The following GGT5 variants were observed in gnomAD, a reference collection of about 807,000 sequenced individuals.
The protein encoded by GGT5 is gamma-glutamyltransferase 5, also known as glutathione hydrolase 5 proenzyme.
GGT5 carries 50 observed loss-of-function variants against 58.1 expected under a neutral mutation model. The observed-to-expected ratio is 0.86, with a 90% CI of 0.69 to 1.09. The LOEUF (loss-of-function observed/expected upper bound fraction) is 1.09. Among genes scored for constraint, GGT5 ranks in the 50% least tolerant of loss-of-function variants. The pLI is 0.00. For synonymous variants in GGT5, 370 were observed against 346.1 expected (o/e 1.07, Z -0.77); for missense variants, 800 against 789.4 (o/e 1.01, Z -0.16).
At chr22:24,224,790 C>G (rs887988550) in intron 11 of GGT5, among the ~76,000 whole-genome samples, 3 of 152,226 alleles carry the variant, frequency 2.0e-5, no homozygotes, top group Non-Finnish European at 4.4e-5. Flanking sequence ...AGACAATACC[C>G]TGCTCTCTGT....
At chr22:24,226,536 C>T (rs889912013) in intron 7 of GGT5, 95 bp downstream of exon 7, 2 of 1,360,864 alleles carry the variant, frequency 1.5e-6, no homozygotes, top group Non-Finnish European at 1.0e-6. Flanking sequence ...CATATCCCTC[C>T]AACTTCCCCC....
At chr22:24,233,837 G>C in intron 2 of GGT5, 37 bp downstream of exon 2, 1 of 1,594,580 alleles carries the variant, frequency 6.3e-7, no homozygotes, top group South Asian at 1.1e-5. Flanking sequence ...GTGTGGACAA[G>C]CCCATCTTCC....
At chr22:24,238,827 ATATATTT>A (rs1837260711) in intron 1 of GGT5, among the ~76,000 whole-genome samples, 1 of 11,082 alleles carries the variant, frequency 9.0e-5, no homozygotes, top group African/African-American at 5.3e-4. Flanking sequence ...ATATATATAT[ATATATTT>A]ATATATATAT....
Position 24,233,563 on chromosome 22 carries a change from G to A in GGT5, c.335C>T (p.Thr112Met), listed in dbSNP as rs891165405. The change falls in exon 3 of 12, where the codon ACG becomes ATG. Residue 112 changes from threonine (T) to methionine (M), a missense_variant. Physicochemically the swap from Thr to Met is moderately conservative, Grantham distance 81. Transcript: ENST00000327365. ...GCTCGGGGCGTGGCTGGCCGGCACCGTCTCCCGGGCATTGATGACCTCCAC... is the reference window on the plus strand; with the variant it reads ...GCTCGGGGCGTGGCTGGCCGGCACCATCTCCCGGGCATTGATGACCTCCAC... ...GKVEVINARE[T>M]VPASHAPSLL... 1.7e-5 allele frequency: 27 copies of A among 1,608,814 alleles called. No individual in the cohort carries two copies. The highest frequency in any genetic ancestry group is 2.2e-4 in the Middle Eastern group (1 of 4,592).
intron 1 of GGT5, chr22:24,242,628 G>A (rs72617245): frequency 0.24 from 35,985 of 152,332 alleles, 4,448 homozygotes; most frequent in Admixed American, 0.31. Context: ...CAGGAGACTG[G>A]ACTCTGGGAG....
At chr22:24,232,751 TG>T in intron 4 of GGT5, 71 bp downstream of exon 4, 3 of 1,054,454 alleles carry the variant, frequency 2.8e-6, no homozygotes, top group Non-Finnish European at 4.0e-6. Flanking sequence ...GAGGCAGAGC[TG>T]GGGTGTGGAC....
chr22:24,238,903 A>AT (rs35151649), intron 1 of GGT5, among the ~76,000 whole-genome samples: 2 of 14,978 alleles, frequency 1.3e-4, no homozygotes, highest in South Asian at 1.9e-3. Flanking sequence ...ATATATATAT[A>AT]TATTATATAT....
chr22:24,227,503 T>C (rs2047803680), intron 6 of GGT5, among the ~76,000 whole-genome samples: 1 of 152,078 alleles, frequency 6.6e-6, no homozygotes, highest in Non-Finnish European at 1.5e-5. Flanking sequence ...CTCCTTAGCC[T>C]CCCAAAGTGC....
At chr22:24,232,343 G>T in intron 4 of GGT5, 135 bp from the exon 5 acceptor site, 1 of 564,284 alleles carries the variant, frequency 1.8e-6, no homozygotes, top group Non-Finnish European at 3.1e-6. Flanking sequence ...GCACTGGGGT[G>T]GACACCGGGG....
intron 8 of GGT5, 73 bp downstream of exon 8, chr22:24,226,003 A>G (rs1290658865): frequency 9.3e-7 from 1 of 1,071,168 alleles, no homozygotes; most frequent in Admixed American, 2.8e-5. Context: ...AAGTGAGGGG[A>G]CATGGGGCTG....
At chr22:24,244,373 T>C (rs1179139441) in intron 1 of GGT5, 180 bp downstream of exon 1, 7 of 600,908 alleles carry the variant, frequency 1.2e-5, no homozygotes, top group Non-Finnish European at 1.8e-5. Flanking sequence ...ACACCCACAC[T>C]CCCCACACTC....
intron 11 of GGT5, among the ~76,000 whole-genome samples, chr22:24,221,927 C>G (rs985479691): frequency 2.5e-4 from 38 of 151,662 alleles, no homozygotes; most frequent in African/African-American, 9.0e-4. Flanking sequence ...GCCTGTAATC[C>G]CAGCACTTTG....
chr22:24,223,748 A>G (rs1055019166), intron 11 of GGT5, among the ~76,000 whole-genome samples: 1 of 144,378 alleles, frequency 6.9e-6, no homozygotes, highest in Non-Finnish European at 1.5e-5. Context: ...CTCAGCTGCT[A>G]TCAATCTTTT....
Position 24,244,820 on chromosome 22 carries a change from A to G in GGT5, c.-95T>C, listed in dbSNP as rs1161130828. On this transcript the variant is annotated 5_prime_UTR_variant, in exon 1 of 12. Coordinates refer to ENST00000327365, the MANE Select transcript of GGT5 (RefSeq NM_004121.5). ...TGGACAAGAAGATGCACAGAGTCAC[A>G]GGTAATTGGACAGATGGACAAACAG... The G allele has an allele frequency of 5.4e-6, 8 of 1,476,220 alleles. No homozygotes were observed. Among genetic ancestry groups the G allele is most frequent in the Non-Finnish European group, 6.3e-6 (7 of 1,112,190 alleles). 91.4% of individuals were successfully genotyped at this position (1,476,220 alleles called of 1,614,324 possible).
intron 11 of GGT5, among the ~76,000 whole-genome samples, chr22:24,224,042 C>T (rs1301711841): frequency 6.6e-6 from 1 of 151,822 alleles, no homozygotes; most frequent in Non-Finnish European, 1.5e-5. Context: ...GGATTACAGG[C>T]ATGAGCCACC....
chr22:24,233,864 G>A lies in GGT5; in HGVS notation c.304+10C>T. The A allele has an allele frequency of 6.2e-7, 1 of 1,612,390 alleles. No homozygotes were observed. Among genetic ancestry groups the A allele is most frequent in the Non-Finnish European group, 8.5e-7 (1 of 1,178,468 alleles). Reference sequence around the variant, plus strand: ...CCATCTTCCCCATGGCAGTTCACATGTGGGCCCACCTGTTGTCACATTGTA... The same window carrying A: ...CCATCTTCCCCATGGCAGTTCACATATGGGCCCACCTGTTGTCACATTGTA... On this transcript the variant is annotated intron_variant, in intron 2 of 11. Transcript: ENST00000327365.
At chr22:24,235,050 CTTTTTTTT>C (rs71189232) in intron 1 of GGT5, among the ~76,000 whole-genome samples, 1 of 75,662 alleles carries the variant, frequency 1.3e-5, no homozygotes, top group Non-Finnish European at 2.5e-5. Context: ...AAGAAGCCAG[CTTTTTTTT>C]TTTTTTTTTT....
At chr22:24,243,379 A>C (rs1049546244) in intron 1 of GGT5, 3 of 152,306 alleles carry the variant, frequency 2.0e-5, no homozygotes, top group Non-Finnish European at 4.4e-5. Flanking sequence ...AGACAGAAAG[A>C]CCTGAAGAGA....
rs7288201 is a variant in GGT5, at chr22:24,225,325, T to C, written c.1423A>G (p.Ile475Val). 34,045 of 1,613,952 alleles carry C rather than the reference T, an allele frequency of 0.021. 449 individuals are homozygous for C. Among genetic ancestry groups the C allele is most frequent in the Middle Eastern group, 0.029 (176 of 6,060 alleles). ...GACCCCTGGGCTTTGTTGATCAAGA[T>C]GGAGGGCACCATGGAGGATGGGGAA... ...ERSPSSMVPS[I>V]LINKAQGSKL... Residue 475 changes from isoleucine (I) to valine (V), a missense_variant, in exon 10 of 12, where the codon ATC becomes GTC. Physicochemically the swap from Ile to Val is conservative, Grantham distance 29. Coordinates refer to ENST00000327365, the MANE Select transcript of GGT5 (RefSeq NM_004121.5).
Sources: allele counts gnomAD v4.1 joint callset (sites outside exome capture counted in the v4.1 genomes callset), GRCh38; gene constraint gnomAD v4.1.1; transcripts MANE v1.5; gene names NCBI Gene and HGNC (gene_info 2026-07-23, HGNC 2026-07-21).